Variants in ST6GALNAC3 observed in about 807,000 individuals in gnomAD.
The protein encoded by ST6GALNAC3 is alpha-N-acetylgalactosaminide alpha-2,6-sialyltransferase 3.
ST6GALNAC3 carries 25 observed loss-of-function variants against 32.7 expected under a neutral mutation model. The ratio of observed to expected loss-of-function variants is 0.76; its 90% CI spans 0.56 to 1.07. The LOEUF is 1.07. Ranked by LOEUF, ST6GALNAC3 falls within the 50% of genes least tolerant of loss-of-function variation. The pLI, the probability that ST6GALNAC3 is intolerant of heterozygous loss-of-function variation, is 0.00. For missense variants in ST6GALNAC3, 355 were observed against 382.4 expected (o/e 0.93, Z 0.60); for synonymous variants, 129 against 133.1 (o/e 0.97, Z 0.21).
intron 3 of ST6GALNAC3, among the ~76,000 whole-genome samples, chr1:76,416,436 T>A (rs916888827): frequency 1.2e-4 from 18 of 152,132 alleles, no homozygotes; most frequent in African/African-American, 4.3e-4. Flanking sequence ...TTATTATGTA[T>A]AATTTATAGA....
At chr1:76,432,865 C>T (rs1025179221) in intron 3 of ST6GALNAC3, among the ~76,000 whole-genome samples, 4 of 152,094 alleles carry the variant, frequency 2.6e-5, no homozygotes, top group Admixed American at 6.6e-5. Flanking sequence ...AAGATGTTTT[C>T]GGTGTTCAAT....
At chr1:76,493,688 CTTA>C (rs1338777549) in intron 3 of ST6GALNAC3, among the ~76,000 whole-genome samples, 1 of 152,044 alleles carries the variant, frequency 6.6e-6, no homozygotes, top group African/African-American at 2.4e-5. Context: ...TGACTTCTGT[CTTA>C]TTATTATTCA....
intron 2 of ST6GALNAC3, among the ~76,000 whole-genome samples, chr1:76,397,533 C>T (rs1335358317): frequency 9.4e-6 from 1 of 105,952 alleles, no homozygotes; most frequent in Non-Finnish European, 2.2e-5. Context: ...CCAGGCCCAG[C>T]TAATTGTTGC....
At chr1:76,123,024 C>A (rs1224292088) in intron 1 of ST6GALNAC3, among the ~76,000 whole-genome samples, 1 of 152,168 alleles carries the variant, frequency 6.6e-6, no homozygotes, top group African/African-American at 2.4e-5. Context: ...TCTCTTGAAT[C>A]CAGATCTGCA....
At chr1:76,180,375 T>G (rs1653102181) in intron 1 of ST6GALNAC3, among the ~76,000 whole-genome samples, 1 of 152,152 alleles carries the variant, frequency 6.6e-6, no homozygotes, top group Admixed American at 6.5e-5. Context: ...GAGATCAAAT[T>G]TGCACTAAAA....
intron 1 of ST6GALNAC3, among the ~76,000 whole-genome samples, chr1:76,232,611 T>C (rs1557714142): frequency 6.6e-6 from 1 of 152,238 alleles, no homozygotes. Context: ...GTCCTTCCTC[T>C]TCCCTCAGAT....
chr1:76,185,045 C>T (rs1653466836), intron 1 of ST6GALNAC3, among the ~76,000 whole-genome samples: 1 of 152,094 alleles, frequency 6.6e-6, no homozygotes, highest in Non-Finnish European at 1.5e-5. Context: ...CCTCGCACAA[C>T]CCTGTGAATC....
At chr1:76,591,605 C>T (rs1235784903) in intron 3 of ST6GALNAC3, among the ~76,000 whole-genome samples, 1 of 152,160 alleles carries the variant, frequency 6.6e-6, no homozygotes, top group Non-Finnish European at 1.5e-5. Context: ...ATGAATAAGA[C>T]ACAGGCTCTG....
chr1:76,295,104 T>C (rs767860760), intron 1 of ST6GALNAC3, among the ~76,000 whole-genome samples: 1 of 151,446 alleles, frequency 6.6e-6, no homozygotes, highest in Non-Finnish European at 1.5e-5. Context: ...TTTTTTTTCC[T>C]CTGGAAGCCT....
intron 1 of ST6GALNAC3, among the ~76,000 whole-genome samples, chr1:76,308,779 T>C (rs3884183): frequency 0.23 from 34,918 of 152,122 alleles, 5,065 homozygotes; most frequent in East Asian, 0.58. Context: ...GAGAATATTT[T>C]AGAATTGCAA....
chr1:76,158,828 AC>A (rs1017084118), intron 1 of ST6GALNAC3, among the ~76,000 whole-genome samples: 2 of 152,072 alleles, frequency 1.3e-5, no homozygotes, highest in Non-Finnish European at 2.9e-5. Flanking sequence ...TGAACCATAC[AC>A]TCCTGTGTGC....
intron 3 of ST6GALNAC3, among the ~76,000 whole-genome samples, chr1:76,434,724 G>A (rs115524949): frequency 0.01 from 1,520 of 149,756 alleles, 23 homozygotes; most frequent in African/African-American, 0.034. Context: ...ATATTTGTAT[G>A]CATCTGCTTT....
intron 3 of ST6GALNAC3, among the ~76,000 whole-genome samples, chr1:76,569,164 A>G (rs1015491048): frequency 1.3e-5 from 2 of 152,304 alleles, no homozygotes; most frequent in Admixed American, 1.3e-4. Context: ...GCCCAAACAT[A>G]CACTTGTTTG....
chr1:76,624,989 G>A (rs1038808605), intron 3 of ST6GALNAC3, among the ~76,000 whole-genome samples: 2 of 151,912 alleles, frequency 1.3e-5, no homozygotes, highest in African/African-American at 4.8e-5. Flanking sequence ...GACTGTTGAG[G>A]GTGATGATCA....
At chr1:76,335,359 G>T in intron 2 of ST6GALNAC3, among the ~76,000 whole-genome samples, 1 of 152,056 alleles carries the variant, frequency 6.6e-6, no homozygotes, top group Non-Finnish European at 1.5e-5. Flanking sequence ...GAGGATGGCT[G>T]GAGCCTATCC....
At chr1:76,476,958 G>T (rs1319352213) in intron 3 of ST6GALNAC3, among the ~76,000 whole-genome samples, 1 of 152,086 alleles carries the variant, frequency 6.6e-6, no homozygotes, top group Admixed American at 6.6e-5. Context: ...CTTGGCATCT[G>T]ACTCTCTGTG....
At chr1:76,268,318 A>G (rs768528116) in intron 1 of ST6GALNAC3, among the ~76,000 whole-genome samples, 25 of 152,208 alleles carry the variant, frequency 1.6e-4, no homozygotes, top group Non-Finnish European at 3.4e-4. Context: ...TAGAGGTGAG[A>G]TTGTCCAGTA....
At chr1:76,485,058 C>T (rs1660014230) in intron 3 of ST6GALNAC3, among the ~76,000 whole-genome samples, 1 of 152,138 alleles carries the variant, frequency 6.6e-6, no homozygotes, top group Non-Finnish European at 1.5e-5. Context: ...AGCCTTGCAT[C>T]CCAGGGAAGA....
rs962800555 is a variant in ST6GALNAC3 at position 76,176,162 on chromosome 1, C to G, written c.18+101278C>G. 5.2e-4 allele frequency among the ~76,000 whole-genome samples: 79 copies of G among 152,258 alleles called. 1 individual carries two copies. Among genetic ancestry groups the G allele is most frequent in the African/African-American group, 1.9e-3 (77 of 41,544 alleles). On this transcript the variant is annotated intron_variant, in intron 1 of 4. Coordinates refer to ENST00000328299, the MANE Select transcript of ST6GALNAC3 (RefSeq NM_152996.4). ...TGCCTTCCCTCCCTAGAACTAATGA[C>G]TCAGAACTGAGAAAGACTGACACAG...
Sources: allele counts gnomAD v4.1 joint callset (sites outside exome capture counted in the v4.1 genomes callset), GRCh38; gene constraint gnomAD v4.1.1; transcripts MANE v1.5; gene names NCBI Gene and HGNC (gene_info 2026-07-23, HGNC 2026-07-21).